SUN1: variants seen among roughly 807,000 people sequenced by gnomAD.
SUN1 encodes Sad1 and UNC84 domain containing 1.
In SUN1, 61 loss-of-function variants were observed where a neutral mutation model predicts 103.2. The observed-to-expected ratio is 0.59, with a 90% CI of 0.48 to 0.73. The LOEUF is 0.73. Among genes scored for constraint, SUN1 ranks in the 30% least tolerant of loss-of-function variants. The pLI is 0.00. For missense variants in SUN1, 1,052 were observed against 1,034.6 expected (o/e 1.02, Z -0.23); for synonymous variants, 490 against 425.7 (o/e 1.15, Z -1.86).
intron 12 of SUN1, 137 bp downstream of exon 12, chr7:856,538 G>T: frequency 2.2e-6 from 2 of 904,590 alleles, no homozygotes; most frequent in Admixed American, 2.1e-5. Flanking sequence ...GGTTCGTGCC[G>T]ACAGACACTC....
At chr7:829,594 G>A (rs1173831936), upstream of SUN1, among the ~76,000 whole-genome samples, 13 of 144,750 alleles carry the variant, frequency 9.0e-5, no homozygotes. Flanking sequence ...TCGCTCTGTC[G>A]CCCAGGCTGG....
chr7:838,050 C>T (rs1034980874), intron 1 of SUN1, among the ~76,000 whole-genome samples: 2 of 152,162 alleles, frequency 1.3e-5, no homozygotes, highest in South Asian at 2.1e-4. Flanking sequence ...TTTGTATTAA[C>T]TTACTGTTGG....
At chr7:861,074 T>C (rs967021964) in intron 14 of SUN1, among the ~76,000 whole-genome samples, 1 of 152,236 alleles carries the variant, frequency 6.6e-6, no homozygotes, top group Non-Finnish European at 1.5e-5. Flanking sequence ...CAGGCTTGAA[T>C]GCTCATCCTT....
intron 5 of SUN1, chr7:843,764 A>C: frequency 7.0e-7 from 1 of 1,428,028 alleles, no homozygotes; most frequent in Non-Finnish European, 9.1e-7. Flanking sequence ...GACGTGAGCA[A>C]AAGAAAATTT....
At chr7:829,619 A>C (rs1003476178), upstream of SUN1, among the ~76,000 whole-genome samples, 1 of 145,486 alleles carries the variant, frequency 6.9e-6, no homozygotes, top group Non-Finnish European at 1.5e-5. Flanking sequence ...CAGTGGCGCT[A>C]TCTCGGCTCA....
intron 2 of SUN1, among the ~76,000 whole-genome samples, chr7:839,532 C>T (rs141025679): frequency 0.11 from 6,058 of 55,944 alleles, 482 homozygotes; most frequent in East Asian, 0.22. Context: ...ATTACAGGCG[C>T]CCGCCACCAC....
rs6461378 is a variant in SUN1, at chr7:842,031, C to T, written c.352C>T (p.His118Tyr). 0.45 allele frequency: 732,569 copies of T among 1,613,806 alleles called. 168,625 individuals are homozygous for T. The highest frequency in any genetic ancestry group is 0.61 in the East Asian group (27,426 of 44,856). ...SRQVTSSGVS[H>Y]GGTVSLQDAV... ...GCAGGTCACGTCCTCTGGCGTCAGC[C>T]ACGGCGGCACTGTCAGCCTGCAGGA... Residue 118 changes from histidine (H) to tyrosine (Y), a missense_variant, in exon 3 of 19, where the codon CAC becomes TAC. Coordinates refer to ENST00000401592, the MANE Select transcript of SUN1 (RefSeq NM_001130965.3).
At chr7:825,596 T>C (rs1402128066) in intron 1 of SUN1, among the ~76,000 whole-genome samples, 2 of 152,236 alleles carry the variant, frequency 1.3e-5, no homozygotes, top group Non-Finnish European at 2.9e-5. Context: ...ATTTCTGATT[T>C]GTTGTTTTGA....
chr7:847,283 T>TGCGCCAGCGGAGTTGG (rs1425336407), intron 5 of SUN1, among the ~76,000 whole-genome samples: 4 of 149,936 alleles, frequency 2.7e-5, no homozygotes, highest in South Asian at 2.1e-4. Flanking sequence ...CGCAGCGCCG[T>TGCGCCAGCGGAGTTGG]CTCCGGGATC....
Position 861,414 on chromosome 7 carries a change from T to G in SUN1, c.1814T>G (p.Leu605Arg). 1 of 1,614,238 alleles carries G rather than the reference T, an allele frequency of 6.2e-7. No homozygotes were observed. Among genetic ancestry groups the G allele is most frequent in the Non-Finnish European group, 8.5e-7 (1 of 1,180,040 alleles). The change falls in exon 15 of 19, where the codon CTG becomes CGG. Residue 605 changes from leucine (L) to arginine (R), a missense_variant. This residue lies in a region of SUN1 where 206 missense variants were observed against 260.1 expected (regional missense o/e 0.79). Transcript: ENST00000401592. Reference sequence around the variant, plus strand: ...GCCATCGTGAACAGCGCCTTGAAGCTGTATTCCCAAGATAAGACCGGGATG... The same window carrying G: ...GCCATCGTGAACAGCGCCTTGAAGCGGTATTCCCAAGATAAGACCGGGATG... Reference protein sequence around the residue: ...ARAIVNSALKLYSQDKTGMVD... With the variant: ...ARAIVNSALKRYSQDKTGMVD...
At chr7:823,415 G>A (rs1166559254) in intron 1 of SUN1, among the ~76,000 whole-genome samples, 1 of 152,146 alleles carries the variant, frequency 6.6e-6, no homozygotes, top group Non-Finnish European at 1.5e-5. Flanking sequence ...GCAGAGTTTG[G>A]GGTGTAACTA....
chr7:822,286 T>A (rs1458931158), intron 1 of SUN1, among the ~76,000 whole-genome samples: 4 of 152,274 alleles, frequency 2.6e-5, no homozygotes, highest in Admixed American at 6.5e-5. Flanking sequence ...AGCATGCTTG[T>A]TCTGTTGGTA....
At position 849,742 on chromosome 7, in the gene SUN1, G is replaced by A. The variant is rs567756364; in HGVS notation, c.659-1642G>A. The A allele has an allele frequency of 3.6e-6, 4 of 1,117,166 alleles. No homozygotes were observed. In the African/African-American group the frequency reaches 6.1e-5, roughly 17 times the overall value. The allele number at this position is 1,117,166 out of a possible 1,614,324, so 69.2% of individuals were successfully genotyped here. On this transcript the variant is annotated intron_variant, in intron 5 of 18. Coordinates refer to ENST00000401592, the MANE Select transcript of SUN1 (RefSeq NM_001130965.3). ...CTGATGACGACGGGCTGTTGGAGCT[G>A]CTGCTTAAGCCCTCATCACAGAAGC...
At chr7:849,746 C>CT (rs1428290719) in intron 5 of SUN1, 2 of 1,108,142 alleles carry the variant, frequency 1.8e-6, no homozygotes, top group East Asian at 4.7e-5. Context: ...GGAGCTGCTG[C>CT]TTAAGCCCTC....
intron 11 of SUN1, 87 bp from the exon 12 acceptor site, chr7:856,271 A>G (rs558284008): frequency 1.4e-6 from 2 of 1,383,772 alleles, no homozygotes; most frequent in Non-Finnish European, 2.0e-6. Flanking sequence ...TATTCCAGAT[A>G]AATCAATGGA....
At chr7:817,373 G>A (rs985444381) in intron 1 of SUN1, 1 of 1,525,806 alleles carries the variant, frequency 6.6e-7, no homozygotes, top group Non-Finnish European at 8.8e-7. Context: ...TGGTCTCCGC[G>A]CCCTGTTGCG....
intron 12 of SUN1, among the ~76,000 whole-genome samples, chr7:856,984 C>A (rs973039145): frequency 2.6e-5 from 4 of 152,202 alleles, no homozygotes; most frequent in African/African-American, 9.7e-5. Context: ...TCTGCAGTTC[C>A]TGGGGAAGCT....
chr7:864,099 T>A (rs980114991), intron 15 of SUN1, among the ~76,000 whole-genome samples: 2 of 152,264 alleles, frequency 1.3e-5, no homozygotes, highest in Non-Finnish European at 2.9e-5. Context: ...ATCTATTTTT[T>A]AATTTTTGTG....
chr7:832,657 G>C, intron 1 of SUN1, 56 bp downstream of exon 1: 1 of 1,439,810 alleles, frequency 6.9e-7, no homozygotes, highest in Non-Finnish European at 9.7e-7. Context: ...TCGCTGTCGC[G>C]GTGGCGTGGA....
Sources: gnomAD v4.1 joint callset for allele counts (sites outside exome capture counted in the v4.1 genomes callset) on GRCh38, gnomAD v4.1.1 for gene constraint, gnomAD v4.1.1 regional missense constraint, MANE v1.5 for transcripts, NCBI Gene and HGNC (gene_info 2026-07-23, HGNC 2026-07-21) for gene names.